The following SRGAP1 variants were observed in gnomAD, a reference collection of about 807,000 sequenced individuals.
SRGAP1 encodes the protein SLIT-ROBO Rho GTPase activating protein 1.
A neutral mutation model predicts 121.9 loss-of-function variants in SRGAP1; 43 were observed. The ratio of observed to expected loss-of-function variants is 0.35; its 90% CI spans 0.28 to 0.46. The LOEUF is 0.46. Among genes scored for constraint, SRGAP1 ranks in the 20% least tolerant of loss-of-function variants. SRGAP1 has a pLI of 1.00. For synonymous variants in SRGAP1, 447 were observed against 485.4 expected, an observed-to-expected ratio of 0.92 and a Z score of 1.04; for missense variants, 1,102 against 1,350.9, an observed-to-expected ratio of 0.82 and a Z score of 2.89.
chr12:63,990,040 A>T lies in SRGAP1; in HGVS notation c.394A>T (p.Ile132Leu). ...LNNVIMRFMQ[I>L]SEDSTRMFKK... The stretch of plus-strand genomic sequence containing the variant: ...CAATGTGATTATGCGGTTCATGCAG[A>T]TAAGTGAGGATTCTACCAGGATGTT... The change falls in exon 3 of 22, where the codon ATA (isoleucine) becomes TTA (leucine). Residue 132 changes from isoleucine (I) to leucine (L), a missense_variant. By Grantham distance (5) the Ile-to-Leu change is conservative (BLOSUM62 2). Around this residue, in one of 3 missense-constraint regions of SRGAP1, gnomAD observed 747 missense variants for 929.4 expected, o/e 0.80. Transcript: ENST00000355086. 1 of 1,611,824 alleles carries T rather than the reference A, an allele frequency of 6.2e-7. No homozygotes were observed. The highest frequency in any genetic ancestry group is 8.5e-7 in the Non-Finnish European group (1 of 1,179,292).
intron 3 of SRGAP1, among the ~76,000 whole-genome samples, chr12:63,992,732 CAGAG>C (rs1336709088): frequency 1.3e-5 from 2 of 149,842 alleles, no homozygotes; most frequent in East Asian, 3.9e-4. Flanking sequence ...GAGAGAGAGA[CAGAG>C]AGACAGACAA....
In SRGAP1 at chr12:63,900,551, A is replaced by G. The variant is rs948344485; in HGVS notation, c.67+55668A>G. Among the ~76,000 whole-genome samples, 7 of 151,878 alleles carry G rather than the reference A, an allele frequency of 4.6e-5. No individual in the cohort carries two copies. In the South Asian group the frequency reaches 8.3e-4, roughly 18 times the overall value. ...AATAGGGCTGGGTTTGGTGGCTCAC[A>G]CCTGTAATCGCAGCACTTTGGGAGG... On this transcript the variant is annotated intron_variant, in intron 1 of 21. Coordinates refer to ENST00000355086, the MANE Select transcript of SRGAP1 (RefSeq NM_020762.4).
In SRGAP1 at chr12:64,146,457, A is replaced by C. The variant is rs949378222; in HGVS notation, c.*3785A>C. On this transcript the variant is annotated 3_prime_UTR_variant, in exon 22 of 22. Transcript: ENST00000355086. The stretch of plus-strand genomic sequence containing the variant: ...GTAGTTGTGTCCTTAACATTTAGGA[A>C]TGACATAGCCTCTGGAGTCTACAAA... The C allele has an allele frequency of 6.6e-6, 1 of 152,168 alleles. No individual in the cohort carries two copies. Among genetic ancestry groups the C allele is most frequent in the Admixed American group, 6.5e-5 (1 of 15,284 alleles). The allele number at this position is 152,168 out of a possible 1,614,324, so 9.4% of individuals were successfully genotyped here.
intron 21 of SRGAP1, among the ~76,000 whole-genome samples, chr12:64,135,986 A>G (rs2036850641): frequency 6.6e-6 from 1 of 152,246 alleles, no homozygotes; most frequent in Admixed American, 6.5e-5. Flanking sequence ...AGCATCCAGC[A>G]TGGGAGAAAG....
At chr12:64,002,068 C>T (rs2033917566) in intron 3 of SRGAP1, among the ~76,000 whole-genome samples, 1 of 152,172 alleles carries the variant, frequency 6.6e-6, no homozygotes, top group Non-Finnish European at 1.5e-5. Flanking sequence ...CTTCAGTATC[C>T]TCCAGCCTAA....
At chr12:64,058,217 C>G (rs964300520) in intron 6 of SRGAP1, among the ~76,000 whole-genome samples, 3 of 152,148 alleles carry the variant, frequency 2.0e-5, no homozygotes, top group Admixed American at 2.0e-4. Context: ...TTTATCTGGA[C>G]GTAACCCCAC....
At chr12:64,114,291 A>AT (rs1414478522) in intron 17 of SRGAP1, among the ~76,000 whole-genome samples, 1 of 133,882 alleles carries the variant, frequency 7.5e-6, no homozygotes, top group African/African-American at 2.8e-5. Flanking sequence ...TATTTTCATC[A>AT]TTGTATTTGT....
chr12:63,949,365 A>C (rs1592973588), intron 1 of SRGAP1, among the ~76,000 whole-genome samples: 1 of 144,372 alleles, frequency 6.9e-6, no homozygotes, highest in African/African-American at 2.5e-5. Context: ...TCTTTGAAAA[A>C]CTTGGTGTCT....
intron 3 of SRGAP1, among the ~76,000 whole-genome samples, chr12:64,008,037 A>T (rs1302002177): frequency 1.3e-5 from 2 of 152,178 alleles, no homozygotes; most frequent in South Asian, 4.1e-4. Flanking sequence ...ACAATAAGAG[A>T]TAATACTTAT....
intron 1 of SRGAP1, among the ~76,000 whole-genome samples, chr12:63,913,958 G>A (rs2030666835): frequency 6.6e-6 from 1 of 151,958 alleles, no homozygotes; most frequent in African/African-American, 2.4e-5. Context: ...CAGATAGTTT[G>A]GGAAGCACTA....
At chr12:64,031,961 G>T (rs1295106694) in intron 4 of SRGAP1, among the ~76,000 whole-genome samples, 1 of 152,164 alleles carries the variant, frequency 6.6e-6, no homozygotes, top group African/African-American at 2.4e-5. Context: ...CAGGTTTGTT[G>T]TTCATAGACC....
intron 1 of SRGAP1, chr12:63,982,650 C>T (rs1466059559): frequency 6.6e-6 from 1 of 152,170 alleles, no homozygotes; most frequent in Non-Finnish European, 1.5e-5. Flanking sequence ...TTGATTTCTA[C>T]TAACTCCACT....
At chr12:64,103,096 C>T (rs952898855) in intron 15 of SRGAP1, among the ~76,000 whole-genome samples, 1 of 152,202 alleles carries the variant, frequency 6.6e-6, no homozygotes, top group Non-Finnish European at 1.5e-5. Context: ...CCTCCCCCCT[C>T]AGCCTCCCAA....
At chr12:63,923,424 G>A (rs1161971488) in intron 1 of SRGAP1, among the ~76,000 whole-genome samples, 1 of 152,090 alleles carries the variant, frequency 6.6e-6, no homozygotes, top group African/African-American at 2.4e-5. Context: ...AATTTAAGGG[G>A]TGATTAGGAT....
At chr12:63,973,895 G>T (rs2033025320) in intron 1 of SRGAP1, among the ~76,000 whole-genome samples, 1 of 152,092 alleles carries the variant, frequency 6.6e-6, no homozygotes, top group Non-Finnish European at 1.5e-5. Context: ...TCAATGTTTG[G>T]CAAATGCCTT....
At position 63,873,360 on chromosome 12, in the gene SRGAP1, G is replaced by A. The variant is rs573298133; in HGVS notation, c.67+28477G>A. On this transcript the variant is annotated intron_variant, in intron 1 of 21. Coordinates refer to ENST00000355086, the MANE Select transcript of SRGAP1 (RefSeq NM_020762.4). ...AGCCTGACTGACATGGTGAAATCTC[G>A]TGTCTACTACAAATACAAAAAAATT... Among the ~76,000 whole-genome samples the A allele has an allele frequency of 3.9e-5, 6 of 151,944 alleles. 1 individual carries two copies. The highest frequency in any genetic ancestry group is 1.2e-4 in the African/African-American group (5 of 41,444).
chr12:64,000,275 T>TGTGTGTA (rs1555163998), intron 3 of SRGAP1, among the ~76,000 whole-genome samples: 26 of 133,366 alleles, frequency 1.9e-4, no homozygotes, highest in African/African-American at 5.7e-4. Context: ...TGTGTGTGTG[T>TGTGTGTA]AAAAAAAAAA....
chr12:64,097,218 A>G (rs2036171969), intron 14 of SRGAP1, 23 bp from the exon 15 acceptor site: 1 of 1,517,604 alleles, frequency 6.6e-7, no homozygotes, highest in Non-Finnish European at 8.9e-7. Context: ...TGTTAATGTA[A>G]TGAGTTTTTT....
intron 1 of SRGAP1, among the ~76,000 whole-genome samples, chr12:63,857,313 A>C (rs1273487486): frequency 1.3e-5 from 2 of 152,034 alleles, no homozygotes; most frequent in African/African-American, 4.8e-5. Context: ...TCCCGACCTC[A>C]GATGATTCAC....
Sources: gnomAD v4.1 joint callset for allele counts (sites outside exome capture counted in the v4.1 genomes callset) on GRCh38, gnomAD v4.1.1 for gene constraint, gnomAD v4.1.1 regional missense constraint, MANE v1.5 for transcripts, NCBI Gene and HGNC (gene_info 2026-07-23, HGNC 2026-07-21) for gene names.